FAM118B: variants seen among roughly 807,000 people sequenced by gnomAD.
The protein encoded by FAM118B is protein FAM118B.
Under a neutral mutation model 38.5 loss-of-function variants are expected in FAM118B, and 24 were observed. The ratio of observed to expected loss-of-function variants is 0.62; its 90% CI spans 0.45 to 0.88. FAM118B has a LOEUF of 0.88. FAM118B is among the 40% of genes least tolerant of loss of function. The pLI is 0.00. For synonymous variants in FAM118B, 138 were observed against 156.3 expected, an observed-to-expected ratio of 0.88 and a Z score of 0.87; for missense variants, 334 against 420.0, an observed-to-expected ratio of 0.80 and a Z score of 1.79.
At position 126,255,301 on chromosome 11, in the gene FAM118B, C is replaced by T. The variant is rs1291122187; in HGVS notation, c.696+868C>T. On this transcript the variant is annotated intron_variant, in intron 6 of 8. Transcript: ENST00000533050. The surrounding 1 kb of genome is among the most constrained non-coding windows in gnomAD (Gnocchi z 4.6). ...AGAATCTTGTTTGCTGTTTTCAGGA[C>T]TGGGTCATATAGATTATAGCATCTT... Among the ~76,000 whole-genome samples the T allele has an allele frequency of 6.6e-6, 1 of 152,166 alleles. No individual in the cohort carries two copies. Among genetic ancestry groups the T allele is most frequent in the Admixed American group, 6.5e-5 (1 of 15,272 alleles).
intron 1 of FAM118B, among the ~76,000 whole-genome samples, chr11:126,216,716 G>T (rs1026817601): frequency 6.6e-6 from 1 of 152,182 alleles, no homozygotes; most frequent in Non-Finnish European, 1.5e-5. Flanking sequence ...GAATAAATGT[G>T]TGCAAAGTGA....
At chr11:126,216,250 C>T (rs917753434) in intron 1 of FAM118B, among the ~76,000 whole-genome samples, 1 of 151,880 alleles carries the variant, frequency 6.6e-6, no homozygotes, top group Non-Finnish European at 1.5e-5. Flanking sequence ...GTGGTGTGTG[C>T]CTGTAATCCC....
At chr11:126,254,204 A>G in intron 5 of FAM118B, 101 bp from the exon 6 acceptor site, 1 of 1,382,736 alleles carries the variant, frequency 7.2e-7, no homozygotes, top group Non-Finnish European at 9.8e-7. Context: ...TAGAGAGTTT[A>G]TGTCAGAAGT....
chr11:126,235,766 G>A (rs1332766174), intron 3 of FAM118B, among the ~76,000 whole-genome samples: 3 of 152,118 alleles, frequency 2.0e-5, no homozygotes, highest in African/African-American at 2.4e-5. Context: ...TGATCCACCC[G>A]CCTCGGCCTC....
chr11:126,242,916 A>T (rs750326563), intron 4 of FAM118B, among the ~76,000 whole-genome samples: 2 of 152,234 alleles, frequency 1.3e-5, no homozygotes, highest in Non-Finnish European at 2.9e-5. Flanking sequence ...CTGTACACTC[A>T]TGTTCATAGC....
At chr11:126,241,619 G>A (rs1208509966) in intron 4 of FAM118B, among the ~76,000 whole-genome samples, 3 of 151,674 alleles carry the variant, frequency 2.0e-5, no homozygotes, top group Non-Finnish European at 4.4e-5. Context: ...GTTCGATCTC[G>A]CCTCATGGCA....
rs529146026 is a variant in FAM118B, at chr11:126,253,885, T to C, written c.568-420T>C. Among the ~76,000 whole-genome samples the C allele has an allele frequency of 6.6e-6, 1 of 152,340 alleles. No individual in the cohort carries two copies. The highest frequency in any genetic ancestry group is 2.1e-4 in the South Asian group (1 of 4,824). ...CAAGCTTCTGCTTGTGTGTGTTTGC[T>C]AGTATCCCATTGGCTAAAAGCAAGC... On this transcript the variant is annotated intron_variant, in intron 5 of 8. Coordinates refer to ENST00000533050, the MANE Select transcript of FAM118B (RefSeq NM_024556.4). The surrounding 1 kb of genome is among the most constrained non-coding windows in gnomAD (Gnocchi z 5.1).
intron 2 of FAM118B, among the ~76,000 whole-genome samples, chr11:126,230,543 A>C (rs986369409): frequency 6.6e-6 from 1 of 152,212 alleles, no homozygotes; most frequent in Non-Finnish European, 1.5e-5. Flanking sequence ...AAGCTTGCTG[A>C]TCCTTTTACA....
chr11:126,259,755 C>T (rs1232112257), intron 7 of FAM118B, among the ~76,000 whole-genome samples: 2 of 143,208 alleles, frequency 1.4e-5, no homozygotes, highest in South Asian at 4.5e-4. Flanking sequence ...GAGTTTCTCT[C>T]TGTCACCCAG....
chr11:126,243,898 C>T (rs1270488134), intron 4 of FAM118B, among the ~76,000 whole-genome samples: 10 of 133,620 alleles, frequency 7.5e-5, no homozygotes, highest in African/African-American at 1.7e-4. Context: ...AGCAAGACTC[C>T]GTCTCAAAAA....
intron 4 of FAM118B, among the ~76,000 whole-genome samples, chr11:126,247,903 G>A (rs955896216): frequency 1.4e-5 from 2 of 143,096 alleles, no homozygotes; most frequent in East Asian, 2.0e-4. Flanking sequence ...ATAGATATAC[G>A]TATATCTATA....
At chr11:126,215,911 G>A (rs893128990) in intron 1 of FAM118B, among the ~76,000 whole-genome samples, 2 of 152,036 alleles carry the variant, frequency 1.3e-5, no homozygotes, top group African/African-American at 4.8e-5. Context: ...TTGAGGCTGA[G>A]GTGGGAGGAT....
chr11:126,234,961 C>G, intron 2 of FAM118B, 34 bp from the exon 3 acceptor site: 1 of 1,497,868 alleles, frequency 6.7e-7, no homozygotes, highest in Non-Finnish European at 9.3e-7. Context: ...CTTTACAGAT[C>G]TAATTGTGGT....
intron 4 of FAM118B, among the ~76,000 whole-genome samples, chr11:126,246,919 T>C (rs891873000): frequency 6.6e-6 from 1 of 152,142 alleles, no homozygotes; most frequent in African/African-American, 2.4e-5. Context: ...TGGTGGCAAA[T>C]TTAGTTCTAG....
chr11:126,254,454 T>C lies in FAM118B; in HGVS notation c.696+21T>C, dbSNP rs749536714. ...TCATGGTGAGTGGGGCTGATCTTGC[T>C]GGTCTCAGGAACTCCTTCCTGGGAA... On this transcript the variant is annotated intron_variant, in intron 6 of 8. Transcript: ENST00000533050. 27 of 1,613,076 alleles carry C rather than the reference T, an allele frequency of 1.7e-5. No homozygotes were observed. In the Admixed American group the frequency reaches 4.4e-4, roughly 26 times the overall value.
In FAM118B at chr11:126,250,873, CTTTTTTCTTTCT is replaced by C. The variant is rs1565338191; in HGVS notation, c.567+145_567+156del. 1 of 623,780 alleles carries C rather than the reference CTTTTTTCTTTCT, an allele frequency of 1.6e-6. No individual in the cohort carries two copies. The highest frequency in any genetic ancestry group is 2.8e-5 in the East Asian group (1 of 35,706). 38.6% of individuals were successfully genotyped at this position (623,780 alleles called of 1,614,324 possible). Reference sequence around the variant, plus strand: ...TTCCCTGGTTGGAGTTTTTGTTTTTCTTTTTTCTTTCTTTTTAAAGATCAAATCAATATACAG... The same window carrying C: ...TTCCCTGGTTGGAGTTTTTGTTTTTCTTTTAAAGATCAAATCAATATACAG... On this transcript the variant is annotated intron_variant, in intron 5 of 8. Transcript: ENST00000533050. This position sits in a 1 kb window ranked among gnomAD's most constrained non-coding sequence, Gnocchi z 5.1.
rs1950517142 is a variant in FAM118B at position 126,252,417 on chromosome 11, T to TGACA, written c.567+1686_567+1689dup. 1.3e-5 allele frequency among the ~76,000 whole-genome samples: 2 copies of TGACA among 152,312 alleles called. No individual in the cohort carries two copies. Among genetic ancestry groups the TGACA allele is most frequent in the South Asian group, 4.1e-4 (2 of 4,826 alleles). On this transcript the variant is annotated intron_variant, in intron 5 of 8. Coordinates refer to ENST00000533050, the MANE Select transcript of FAM118B (RefSeq NM_024556.4). This position sits in a 1 kb window ranked among gnomAD's most constrained non-coding sequence, Gnocchi z 4.7. ...AAATACAACCCTCATGTCTCAAATA[T>TGACA]GACAGTTAGGTGCTTGGTAAATATT...
chr11:126,255,498 C>T lies in FAM118B; in HGVS notation c.696+1065C>T, dbSNP rs1186075899. 6.6e-6 allele frequency among the ~76,000 whole-genome samples: 1 copy of T among 152,162 alleles called. No individual in the cohort carries two copies. Among genetic ancestry groups the T allele is most frequent in the African/African-American group, 2.4e-5 (1 of 41,430 alleles). On this transcript the variant is annotated intron_variant, in intron 6 of 8. Transcript: ENST00000533050. The surrounding 1 kb of genome is among the most constrained non-coding windows in gnomAD (Gnocchi z 4.6). Reference sequence around the variant, plus strand: ...TTGTGTGTGTATATGTATACACACACACACACATACTGATGTTCTAAGTAT... The same window carrying T: ...TTGTGTGTGTATATGTATACACACATACACACATACTGATGTTCTAAGTAT...
intron 2 of FAM118B, among the ~76,000 whole-genome samples, chr11:126,230,461 T>C (rs1950193840): frequency 2.0e-5 from 3 of 152,246 alleles, no homozygotes; most frequent in Admixed American, 1.3e-4. Context: ...GTTAACCCTT[T>C]TCTATATTTA....
Sources: allele counts gnomAD v4.1 joint callset (sites outside exome capture counted in the v4.1 genomes callset), GRCh38; gene constraint gnomAD v4.1.1; non-coding constraint Gnocchi (gnomAD v3.1); transcripts MANE v1.5; gene names NCBI Gene and HGNC (gene_info 2026-07-23, HGNC 2026-07-21).